Variants in CNTNAP2 observed in about 807,000 individuals in gnomAD.
The protein encoded by CNTNAP2 is contactin-associated protein-like 2.
In CNTNAP2, 98 loss-of-function variants were observed where a neutral mutation model predicts 155.2. The observed-to-expected ratio is 0.63, with a 90% CI of 0.54 to 0.75. CNTNAP2 has a LOEUF of 0.75. Among genes scored for constraint, CNTNAP2 ranks in the 30% least tolerant of loss-of-function variants. CNTNAP2 has a pLI of 0.00. For synonymous variants in CNTNAP2, 651 were observed against 631.2 expected (o/e 1.03, Z -0.47); for missense variants, 1,727 against 1,688.1 (o/e 1.02, Z -0.40).
intron 1 of CNTNAP2, among the ~76,000 whole-genome samples, chr7:146,121,437 T>A (rs1255133340): frequency 2.6e-5 from 4 of 152,180 alleles, no homozygotes; most frequent in African/African-American, 9.7e-5. Context: ...GCTCAGAAAT[T>A]CTTAATTCAA....
At chr7:147,232,297 G>A (rs934730992) in intron 8 of CNTNAP2, among the ~76,000 whole-genome samples, 6 of 152,168 alleles carry the variant, frequency 3.9e-5, no homozygotes, top group East Asian at 1.9e-4. Context: ...TTCCAATGGC[G>A]TTTTTCACGG....
intron 1 of CNTNAP2, among the ~76,000 whole-genome samples, chr7:146,130,325 T>C (rs1256945155): frequency 6.6e-6 from 1 of 152,030 alleles, no homozygotes; most frequent in Non-Finnish European, 1.5e-5. Context: ...ACTAGCCAAG[T>C]GTGGTGGTGT....
chr7:147,277,065 T>A (rs556656991), intron 8 of CNTNAP2, among the ~76,000 whole-genome samples: 1 of 152,136 alleles, frequency 6.6e-6, no homozygotes, highest in East Asian at 1.9e-4. Context: ...ATTCATCTCA[T>A]GATTTTTGTG....
chr7:148,341,918 C>G (rs1003174419), intron 21 of CNTNAP2, among the ~76,000 whole-genome samples: 3 of 152,196 alleles, frequency 2.0e-5, no homozygotes, highest in African/African-American at 7.2e-5. Context: ...AGGAGAGTGA[C>G]TAGTGACCCC....
chr7:148,122,242 G>T (rs187585012), intron 16 of CNTNAP2, among the ~76,000 whole-genome samples: 51 of 152,314 alleles, frequency 3.3e-4, no homozygotes, highest in Non-Finnish European at 4.4e-4. Context: ...CAAACATTAT[G>T]TGTCTGTCCC....
intron 15 of CNTNAP2, among the ~76,000 whole-genome samples, chr7:148,003,873 T>A (rs971938798): frequency 6.6e-6 from 1 of 152,206 alleles, no homozygotes; most frequent in Non-Finnish European, 1.5e-5. Flanking sequence ...GTATTCCCAA[T>A]GCCTAGGCCA....
intron 1 of CNTNAP2, among the ~76,000 whole-genome samples, chr7:146,633,198 T>C (rs1799538426): frequency 6.6e-6 from 1 of 152,170 alleles, no homozygotes. Flanking sequence ...CTAGATGGAT[T>C]TCTAAATTCA....
intron 1 of CNTNAP2, among the ~76,000 whole-genome samples, chr7:146,439,147 G>A (rs1167247714): frequency 6.6e-6 from 1 of 151,444 alleles, no homozygotes; most frequent in Non-Finnish European, 1.5e-5. Flanking sequence ...AAACTGGAGA[G>A]CACATTTCTC....
chr7:146,305,044 T>A (rs1445725161), intron 1 of CNTNAP2, among the ~76,000 whole-genome samples: 1 of 152,148 alleles, frequency 6.6e-6, no homozygotes, highest in Admixed American at 6.6e-5. Context: ...AGACACCTTT[T>A]CTTCCACTTG....
At chr7:146,914,336 G>T (rs1796351162) in intron 3 of CNTNAP2, among the ~76,000 whole-genome samples, 2 of 151,886 alleles carry the variant, frequency 1.3e-5, no homozygotes, top group Admixed American at 6.6e-5. Flanking sequence ...GGATCAAATT[G>T]TGGATCCACT....
At chr7:147,917,575 TC>T (rs1482572940) in intron 14 of CNTNAP2, among the ~76,000 whole-genome samples, 3 of 152,146 alleles carry the variant, frequency 2.0e-5, no homozygotes, top group Non-Finnish European at 4.4e-5. Context: ...ACATACCACT[TC>T]CATTTACGTA....
intron 8 of CNTNAP2, among the ~76,000 whole-genome samples, chr7:147,250,356 G>GA (rs927396486): frequency 4.0e-5 from 6 of 151,794 alleles, no homozygotes; most frequent in Admixed American, 6.6e-5. Context: ...CCTGCAAGGA[G>GA]AAAAAAAGTG....
At chr7:146,534,854 C>A (rs1584968421) in intron 1 of CNTNAP2, among the ~76,000 whole-genome samples, 1 of 150,264 alleles carries the variant, frequency 6.7e-6, no homozygotes, top group African/African-American at 2.4e-5. Context: ...TGATTTTAGG[C>A]AATTAGAATT....
chr7:147,772,085 G>C (rs1443081150), intron 13 of CNTNAP2, among the ~76,000 whole-genome samples: 1 of 151,996 alleles, frequency 6.6e-6, no homozygotes, highest in Non-Finnish European at 1.5e-5. Context: ...GTTCTCTGGA[G>C]TAAGATAACT....
intron 8 of CNTNAP2, among the ~76,000 whole-genome samples, chr7:147,251,855 T>A (rs1351680469): frequency 1.3e-5 from 2 of 152,198 alleles, no homozygotes; most frequent in Non-Finnish European, 2.9e-5. Flanking sequence ...TGAGTCTCTA[T>A]GTTTGTAGCT....
chr7:147,683,367 G>A (rs1795974747), intron 13 of CNTNAP2, among the ~76,000 whole-genome samples: 1 of 151,760 alleles, frequency 6.6e-6, no homozygotes, highest in African/African-American at 2.4e-5. Context: ...TGTATTGCCA[G>A]ATCTATGTGT....
intron 15 of CNTNAP2, among the ~76,000 whole-genome samples, chr7:148,012,210 A>T (rs1802093877): frequency 6.6e-6 from 1 of 152,212 alleles, no homozygotes. Flanking sequence ...ATGAGCCATC[A>T]TACCCAACCC....
At chr7:147,097,063 C>T (rs1800550555) in intron 4 of CNTNAP2, among the ~76,000 whole-genome samples, 1 of 152,154 alleles carries the variant, frequency 6.6e-6, no homozygotes, top group South Asian at 2.1e-4. Flanking sequence ...GCACCATATG[C>T]ATAACCTCAA....
At chr7:147,764,608 GA>G (rs1269404350) in intron 13 of CNTNAP2, among the ~76,000 whole-genome samples, 74 of 151,634 alleles carry the variant, frequency 4.9e-4, no homozygotes, top group Non-Finnish European at 4.0e-4. Context: ...TTGAATGTAG[GA>G]AAAAAAATGG....
Sources: gnomAD v4.1 joint callset for allele counts (sites outside exome capture counted in the v4.1 genomes callset) on GRCh38, gnomAD v4.1.1 for gene constraint, MANE v1.5 for transcripts, NCBI Gene and HGNC (gene_info 2026-07-23, HGNC 2026-07-21) for gene names.